Variants in NALF1 observed in about 807,000 individuals in gnomAD.
NALF1 encodes the protein NALCN channel auxiliary factor 1, also known as family with sequence similarity 155 member A.
Under a neutral mutation model 48.4 loss-of-function variants are expected in NALF1, and 3 were observed. That is an observed-to-expected ratio of 0.06 (90% CI 0.03 to 0.16). NALF1 has a LOEUF of 0.16. Among genes scored for constraint, NALF1 ranks in the 10% least tolerant of loss-of-function variants. The pLI is 1.00. For synonymous variants in NALF1, 262 were observed against 245.7 expected, an observed-to-expected ratio of 1.07 and a Z score of -0.62; for missense variants, 526 against 571.5, an observed-to-expected ratio of 0.92 and a Z score of 0.81.
chr13:107,796,895 T>C (rs933273157), intron 1 of NALF1, among the ~76,000 whole-genome samples: 1 of 152,306 alleles, frequency 6.6e-6, no homozygotes, highest in African/African-American at 2.4e-5. Context: ...TACTCTTCCA[T>C]CACCTTATTT....
At chr13:107,304,042 A>G (rs1319540887) in intron 1 of NALF1, among the ~76,000 whole-genome samples, 1 of 152,190 alleles carries the variant, frequency 6.6e-6, no homozygotes. Context: ...CATTTGAACC[A>G]TATCGTTTAG....
intron 1 of NALF1, among the ~76,000 whole-genome samples, chr13:107,339,529 C>A (rs779610263): frequency 6.6e-6 from 1 of 152,092 alleles, no homozygotes; most frequent in Non-Finnish European, 1.5e-5. Context: ...AGTTCGTAGA[C>A]CACTCTCAGA....
intron 1 of NALF1, among the ~76,000 whole-genome samples, chr13:107,847,064 T>A (rs78070602): frequency 0.032 from 4,836 of 152,178 alleles, 230 homozygotes; most frequent in East Asian, 0.23. Context: ...AAAGGCAAAC[T>A]TTAGAGTTGA....
chr13:107,749,128 T>TTGTGTG (rs58213843), intron 1 of NALF1, among the ~76,000 whole-genome samples: 4,153 of 147,420 alleles, frequency 0.028, 83 homozygotes, highest in East Asian at 0.094. Flanking sequence ...ATGTCTATAA[T>TTGTGTG]TGTGTGTGTG....
intron 1 of NALF1, among the ~76,000 whole-genome samples, chr13:107,651,439 G>C (rs1339305175): frequency 6.6e-6 from 1 of 152,166 alleles, no homozygotes; most frequent in African/African-American, 2.4e-5. Context: ...TGATGTCCTA[G>C]AGACTTGAGT....
chr13:107,701,743 C>CA (rs956323732), intron 1 of NALF1, among the ~76,000 whole-genome samples: 5 of 152,156 alleles, frequency 3.3e-5, no homozygotes, highest in South Asian at 2.1e-4. Flanking sequence ...TGTCTTCTCA[C>CA]AAAAAAGTAA....
intron 1 of NALF1, among the ~76,000 whole-genome samples, chr13:107,613,166 T>C (rs1009605659): frequency 1.3e-5 from 2 of 152,170 alleles, no homozygotes; most frequent in African/African-American, 4.8e-5. Context: ...TCCTGCTTGT[T>C]CTACTCACAG....
At chr13:107,756,707 G>A (rs905448534) in intron 1 of NALF1, among the ~76,000 whole-genome samples, 1 of 152,010 alleles carries the variant, frequency 6.6e-6, no homozygotes, top group African/African-American at 2.4e-5. Context: ...GTCATGGGTC[G>A]GAGGCCATCC....
At chr13:107,217,308 T>C (rs895089744) in intron 1 of NALF1, among the ~76,000 whole-genome samples, 1 of 152,124 alleles carries the variant, frequency 6.6e-6, no homozygotes, top group African/African-American at 2.4e-5. Flanking sequence ...TGGGACTTGT[T>C]TTATCCTGGT....
At chr13:107,189,116 A>T (rs151195755) in intron 2 of NALF1, among the ~76,000 whole-genome samples, 19 of 152,362 alleles carry the variant, frequency 1.2e-4, no homozygotes, top group African/African-American at 4.3e-4. Context: ...TCATTCATTA[A>T]GATCATAAGC....
chr13:107,476,237 A>C (rs1198657672), intron 1 of NALF1, among the ~76,000 whole-genome samples: 3 of 152,168 alleles, frequency 2.0e-5, no homozygotes, highest in Admixed American at 2.0e-4. Flanking sequence ...GCACGCAAAT[A>C]ACCTTTCTTA....
chr13:107,428,158 G>A (rs950150182), intron 1 of NALF1, among the ~76,000 whole-genome samples: 3 of 152,178 alleles, frequency 2.0e-5, no homozygotes, highest in Non-Finnish European at 4.4e-5. Flanking sequence ...AGCAAGTGGT[G>A]TTTCCCATGA....
intron 1 of NALF1, among the ~76,000 whole-genome samples, chr13:107,733,804 A>C (rs974380905): frequency 6.6e-6 from 1 of 152,182 alleles, no homozygotes; most frequent in Non-Finnish European, 1.5e-5. Context: ...GACACAACTT[A>C]TATCTATTTC....
chr13:107,426,712 T>C (rs1380412656), intron 1 of NALF1, among the ~76,000 whole-genome samples: 1 of 152,138 alleles, frequency 6.6e-6, no homozygotes, highest in African/African-American at 2.4e-5. Flanking sequence ...TCAACATTTC[T>C]CAATTTTTTT....
intron 1 of NALF1, among the ~76,000 whole-genome samples, chr13:107,683,055 A>G (rs948384680): frequency 3.3e-5 from 5 of 152,114 alleles, no homozygotes; most frequent in African/African-American, 1.2e-4. Flanking sequence ...CGGAGCCAGG[A>G]GTTCAAGACC....
intron 2 of NALF1, among the ~76,000 whole-genome samples, chr13:107,190,861 A>G (rs1267043291): frequency 6.6e-6 from 1 of 152,228 alleles, no homozygotes; most frequent in East Asian, 1.9e-4. Context: ...GGAAACAGGG[A>G]CATCTCTGAG....
chr13:107,367,051 A>T (rs1883163459), intron 1 of NALF1, among the ~76,000 whole-genome samples: 1 of 152,212 alleles, frequency 6.6e-6, no homozygotes, highest in African/African-American at 2.4e-5. Flanking sequence ...ATTGGGGACA[A>T]CTAGTCCCTT....
intron 1 of NALF1, among the ~76,000 whole-genome samples, chr13:107,710,987 G>A (rs1478168897): frequency 1.3e-5 from 2 of 151,764 alleles, no homozygotes; most frequent in Non-Finnish European, 2.9e-5. Flanking sequence ...ATTTGCTTGG[G>A]AATGACTGAA....
At chr13:107,693,597 AT>A (rs1429952511) in intron 1 of NALF1, among the ~76,000 whole-genome samples, 2 of 149,554 alleles carry the variant, frequency 1.3e-5, no homozygotes, top group Non-Finnish European at 3.0e-5. Flanking sequence ...TTAGAAAGGC[AT>A]TTTTCTTTTT....
Sources: gnomAD v4.1 joint callset for allele counts (sites outside exome capture counted in the v4.1 genomes callset) on GRCh38, gnomAD v4.1.1 for gene constraint, MANE v1.5 for transcripts, NCBI Gene and HGNC (gene_info 2026-07-23, HGNC 2026-07-21) for gene names.